The following ZNF292 variants were observed in gnomAD, a reference collection of about 807,000 sequenced individuals.
ZNF292 encodes zinc finger protein 292.
Under a neutral mutation model 217.9 loss-of-function variants are expected in ZNF292, and 26 were observed. The observed-to-expected ratio is 0.12, with a 90% CI of 0.09 to 0.17. The LOEUF (loss-of-function observed/expected upper bound fraction) is 0.17, where lower values mean the gene tolerates loss of function less well. Ranked by LOEUF, ZNF292 falls within the 10% of genes least tolerant of loss-of-function variation. The pLI is 1.00. For missense variants in ZNF292, 2,904 were observed against 3,175.2 expected, an observed-to-expected ratio of 0.91 and a Z score of 2.05; for synonymous variants, 1,257 against 1,124.1, an observed-to-expected ratio of 1.12 and a Z score of -2.37.
intron 1 of ZNF292, among the ~76,000 whole-genome samples, chr6:87,214,608 C>T (rs140664898): frequency 6.6e-6 from 1 of 151,992 alleles, no homozygotes; most frequent in Admixed American, 6.5e-5. Flanking sequence ...GAGTATCCCC[C>T]GACACCCCAT....
intron 1 of ZNF292, among the ~76,000 whole-genome samples, chr6:87,209,278 T>C (rs1156813771): frequency 6.6e-6 from 1 of 152,168 alleles, no homozygotes; most frequent in Non-Finnish European, 1.5e-5. Flanking sequence ...CTTTCCAGCT[T>C]TTAAGATTTT....
intron 5 of ZNF292, among the ~76,000 whole-genome samples, chr6:87,236,617 T>C (rs572049104): frequency 6.6e-6 from 1 of 152,298 alleles, no homozygotes; most frequent in South Asian, 2.1e-4. Flanking sequence ...ACTAAAACTT[T>C]CTATCTTGTA....
chr6:87,186,781 G>C (rs1771673939), intron 1 of ZNF292, among the ~76,000 whole-genome samples: 1 of 152,202 alleles, frequency 6.6e-6, no homozygotes, highest in Non-Finnish European at 1.5e-5. Flanking sequence ...TTCGGAGGAA[G>C]GATAATTTGG....
intron 1 of ZNF292, among the ~76,000 whole-genome samples, chr6:87,199,684 T>C (rs1459554922): frequency 6.6e-6 from 1 of 152,246 alleles, no homozygotes; most frequent in East Asian, 1.9e-4. Flanking sequence ...TACCATTTCC[T>C]GCGCTGAGAA....
intron 1 of ZNF292, among the ~76,000 whole-genome samples, chr6:87,200,806 T>C (rs1298877769): frequency 1.1e-4 from 16 of 152,222 alleles, no homozygotes; most frequent in African/African-American, 4.8e-5. Context: ...TTCAAAGCTA[T>C]CAGAAACTCA....
Position 87,259,610 on chromosome 6 carries a change from G to A in ZNF292, c.5981G>A (p.Ser1994Asn), listed in dbSNP as rs1230238763. The change falls in exon 8 of 8, where the codon AGT becomes AAT. Residue 1994 changes from serine (S) to asparagine (N), a missense_variant. Around this residue, in one of 15 missense-constraint regions of ZNF292, gnomAD observed 261 missense variants for 272.8 expected, o/e 0.96. Coordinates refer to ENST00000369577, the MANE Select transcript of ZNF292 (RefSeq NM_015021.3). ...AGGCCTTATGGAAGAAAATCTCAGAGTGAAAATGTGCCGGCCTCACGAAGT... is the reference window on the plus strand; with the variant it reads ...AGGCCTTATGGAAGAAAATCTCAGAATGAAAATGTGCCGGCCTCACGAAGT... ...IKRPYGRKSQ[S>N]ENVPASRSTQ... The A allele has an allele frequency of 6.3e-7, 1 of 1,579,730 alleles. No individual in the cohort carries two copies. The highest frequency in any genetic ancestry group is 8.6e-7 in the Non-Finnish European group (1 of 1,161,976).
At chr6:87,158,517 C>A (rs1303953105) in intron 1 of ZNF292, among the ~76,000 whole-genome samples, 3 of 151,880 alleles carry the variant, frequency 2.0e-5, no homozygotes, top group Admixed American at 6.6e-5. Flanking sequence ...CAAAACAAAT[C>A]AAAAAAATTA....
intron 1 of ZNF292, among the ~76,000 whole-genome samples, chr6:87,209,015 C>T (rs1772364283): frequency 6.6e-6 from 1 of 151,790 alleles, no homozygotes; most frequent in African/African-American, 2.4e-5. Context: ...CTTGGGTTTT[C>T]TAGGTGTGGA....
chr6:87,174,917 T>G (rs1771233891), intron 1 of ZNF292, among the ~76,000 whole-genome samples: 1 of 152,182 alleles, frequency 6.6e-6, no homozygotes, highest in South Asian at 2.1e-4. Context: ...TCTTACACAT[T>G]TCCCGAAGTC....
chr6:87,240,129 C>G (rs1421448233), intron 5 of ZNF292, among the ~76,000 whole-genome samples: 2 of 152,202 alleles, frequency 1.3e-5, no homozygotes, highest in African/African-American at 2.4e-5. Flanking sequence ...GCTGGCAGAT[C>G]ACTCGCGGTT....
chr6:87,171,397 T>A (rs1771093000), intron 1 of ZNF292, among the ~76,000 whole-genome samples: 1 of 151,952 alleles, frequency 6.6e-6, no homozygotes, highest in East Asian at 1.9e-4. Flanking sequence ...TTTGTTGGTT[T>A]TTTTTTTGTT....
At chr6:87,184,639 T>C (rs1015025973) in intron 1 of ZNF292, among the ~76,000 whole-genome samples, 2 of 152,150 alleles carry the variant, frequency 1.3e-5, no homozygotes, top group African/African-American at 4.8e-5. Context: ...AAGAGATTTA[T>C]TAGGAGAATT....
chr6:87,163,187 C>CA (rs1021477116), intron 1 of ZNF292, among the ~76,000 whole-genome samples: 3 of 152,172 alleles, frequency 2.0e-5, no homozygotes, highest in Non-Finnish European at 1.5e-5. Flanking sequence ...CGCGGTGGCT[C>CA]ACGCCTGTAA....
rs1772716661 is a variant in ZNF292, at chr6:87,215,665, C to T, written c.169-238C>T. Among the ~76,000 whole-genome samples the T allele has an allele frequency of 2.0e-5, 3 of 152,044 alleles. No homozygotes were observed. The South Asian group carries it at 6.2e-4, about 31-fold the overall frequency. On this transcript the variant is annotated intron_variant, in intron 1 of 7. Transcript: ENST00000369577. Reference sequence around the variant, plus strand: ...TAACTCTTGCCCTATTTAAAACTAGCCTTGATGAAATTATGCTGTTGCTGG... The same window carrying T: ...TAACTCTTGCCCTATTTAAAACTAGTCTTGATGAAATTATGCTGTTGCTGG...
rs762636190 is a variant in ZNF292, at chr6:87,256,239, T to G, written c.2610T>G (p.Ser870=). ...NTAENIEKER[S]MLPSENNIEN... ...CAGAGAATATTGAGAAAGAAAGATC[T>G]ATGCTTCCTTCAGAAAATAACATTG... Residue 870 remains serine (S), a synonymous_variant, in exon 8 of 8, where the codon TCT becomes TCG. Transcript: ENST00000369577. The G allele has an allele frequency of 6.2e-7, 1 of 1,613,886 alleles. No homozygotes were observed. The highest frequency in any genetic ancestry group is 8.5e-7 in the Non-Finnish European group (1 of 1,179,824).
chr6:87,180,951 G>A (rs1410641018), intron 1 of ZNF292, among the ~76,000 whole-genome samples: 2 of 152,062 alleles, frequency 1.3e-5, no homozygotes, highest in African/African-American at 4.8e-5. Flanking sequence ...CTGCTTGGTC[G>A]CCCCGCAGCT....
Position 87,262,048 on chromosome 6 carries a change from T to C in ZNF292, c.*247T>C. On this transcript the variant is annotated 3_prime_UTR_variant, in exon 8 of 8. Transcript: ENST00000369577. ...TAGTGAGCTAAACCTCAAATTTCTA[T>C]CACCCAGTTGCCCTTTTCATGAACT... The C allele has an allele frequency of 3.6e-6, 1 of 276,786 alleles. No individual in the cohort carries two copies. Among genetic ancestry groups the C allele is most frequent in the Non-Finnish European group, 6.8e-6 (1 of 147,950 alleles). The allele number at this position is 276,786 out of a possible 1,614,324, so 17.1% of individuals were successfully genotyped here. A position where few individuals can be genotyped will look rare whatever the true frequency, so the allele number is the denominator to read the frequency against.
Position 87,215,945 on chromosome 6 carries a change from C to G in ZNF292, c.211C>G (p.Pro71Ala), listed in dbSNP as rs1276384704. Residue 71 changes from proline (P) to alanine (A), a missense_variant, in exon 2 of 8, where the codon CCT becomes GCT. Pro to Ala is a conservative substitution (Grantham distance 27). Around this residue, in one of 15 missense-constraint regions of ZNF292, gnomAD observed 313 missense variants for 451.0 expected, o/e 0.69. Transcript: ENST00000369577. ...AGAGAAATGGAAAACTTCAGAAGAT[C>G]CTTTACCTTTATTGGAGGTATACAC... Reference protein sequence around the residue: ...YAEKWKTSEDPLPLLEVYTVA... With the variant: ...YAEKWKTSEDALPLLEVYTVA... The G allele has an allele frequency of 6.2e-7, 1 of 1,601,676 alleles. No homozygotes were observed. Among genetic ancestry groups the G allele is most frequent in the Admixed American group, 1.8e-5 (1 of 56,270 alleles).
rs771663608 is a variant in ZNF292, at chr6:87,258,097, A to T, written c.4468A>T (p.Ile1490Phe). ...TSVSQEGSEI[I>F]KQALETAGIP... ...TGTCAGTCAAGAAGGTAGTGAAATTATTAAACAGGCTTTGGAAACTGCTGG... is the reference window on the plus strand; with the variant it reads ...TGTCAGTCAAGAAGGTAGTGAAATTTTTAAACAGGCTTTGGAAACTGCTGG... Residue 1490 changes from isoleucine (I) to phenylalanine (F), a missense_variant, in exon 8 of 8, where the codon ATT becomes TTT. Transcript: ENST00000369577. 1 of 1,613,354 alleles carries T rather than the reference A, an allele frequency of 6.2e-7. No homozygotes were observed. The highest frequency in any genetic ancestry group is 1.1e-5 in the South Asian group (1 of 91,032).
Sources: allele counts gnomAD v4.1 joint callset (sites outside exome capture counted in the v4.1 genomes callset), GRCh38; gene constraint gnomAD v4.1.1; regional missense constraint gnomAD v4.1.1; transcripts MANE v1.5; gene names NCBI Gene and HGNC (gene_info 2026-07-23, HGNC 2026-07-21).